Variants in IQCE observed in about 807,000 individuals in gnomAD.
The protein encoded by IQCE is IQ motif containing E, also known as IQ domain-containing protein E.
A neutral mutation model predicts 96.0 loss-of-function variants in IQCE; 115 were observed. That is an observed-to-expected ratio of 1.20 (90% CI 1.03 to 1.40). IQCE has a LOEUF of 1.40. IQCE is among the 40% of genes most tolerant of loss of function. The pLI, the probability that IQCE is intolerant of heterozygous loss-of-function variation, is 0.00. For missense variants in IQCE, 1,041 were observed against 909.1 expected, an observed-to-expected ratio of 1.15 and a Z score of -1.87; for synonymous variants, 412 against 371.2, an observed-to-expected ratio of 1.11 and a Z score of -1.26.
intron 6 of IQCE, 47 bp downstream of exon 6, chr7:2,573,535 C>A (rs764945990): frequency 9.6e-7 from 1 of 1,037,962 alleles, no homozygotes; most frequent in Non-Finnish European, 1.5e-6. Context: ...GTGAAAGCTT[C>A]CTATAACAAT....
chr7:2,602,283 A>G (rs1479775771), intron 18 of IQCE, among the ~76,000 whole-genome samples: 1 of 152,234 alleles, frequency 6.6e-6, no homozygotes, highest in African/African-American at 2.4e-5. Context: ...ATGGAGGTTG[A>G]GTATGTCACC....
chr7:2,561,250 T>C (rs1413134886), intron 1 of IQCE, among the ~76,000 whole-genome samples: 1 of 151,598 alleles, frequency 6.6e-6, no homozygotes, highest in Admixed American at 6.6e-5. Context: ...GAGCCATTGC[T>C]CCCAGCCCTA....
rs1477319630 is a variant in IQCE, at chr7:2,561,736, T to C, written c.36+2519T>C. Reference sequence around the variant, plus strand: ...ACGTCCGGCCTTACAATAATATTTTTATATGAATCTCATATCCTGCAAACT... The same window carrying C: ...ACGTCCGGCCTTACAATAATATTTTCATATGAATCTCATATCCTGCAAACT... On this transcript the variant is annotated intron_variant, in intron 1 of 21. Coordinates refer to ENST00000402050, the MANE Select transcript of IQCE (RefSeq NM_152558.5). 2.0e-5 allele frequency among the ~76,000 whole-genome samples: 3 copies of C among 152,352 alleles called. No homozygotes were observed. The East Asian group carries it at 5.8e-4, about 29-fold the overall frequency.
chr7:2,577,966 C>T (rs1456187368), intron 6 of IQCE, among the ~76,000 whole-genome samples: 3 of 125,024 alleles, frequency 2.4e-5, no homozygotes, highest in Admixed American at 8.0e-5. Flanking sequence ...CGTGGCTGTG[C>T]GCGCGGGGAC....
chr7:2,560,461 T>C (rs1780861995), intron 1 of IQCE, among the ~76,000 whole-genome samples: 2 of 152,266 alleles, frequency 1.3e-5, no homozygotes, highest in South Asian at 4.1e-4. Flanking sequence ...GCACCCGCAG[T>C]AGGGGCTTGG....
rs1783243654 is a variant in IQCE at position 2,587,852 on chromosome 7, T to A, written c.1019T>A (p.Leu340Gln). The A allele has an allele frequency of 1.2e-6, 2 of 1,614,070 alleles. No individual in the cohort carries two copies. The highest frequency in any genetic ancestry group is 2.2e-5 in the South Asian group (2 of 91,082). ...GYVEWSKPRL[L>Q]RRIVELEKKL... ...GTGGAGTGGAGCAAGCCCCGGCTGCTGAGGCGCATTGTGGAGCTGGAGAAG... is the reference window on the plus strand; with the variant it reads ...GTGGAGTGGAGCAAGCCCCGGCTGCAGAGGCGCATTGTGGAGCTGGAGAAG... The change falls in exon 13 of 22, where the codon CTG becomes CAG. Residue 340 changes from leucine to glutamine, a missense_variant. Physicochemically the swap from Leu to Gln is moderately radical, Grantham distance 113. Transcript: ENST00000402050.
chr7:2,587,484 A>G (rs1783214993), intron 12 of IQCE, among the ~76,000 whole-genome samples: 1 of 152,170 alleles, frequency 6.6e-6, no homozygotes, highest in Non-Finnish European at 1.5e-5. Flanking sequence ...GGAAGGGGAC[A>G]GGCTGAGAAC....
chr7:2,564,730 G>C (rs554449475), intron 1 of IQCE, among the ~76,000 whole-genome samples: 35 of 152,160 alleles, frequency 2.3e-4, no homozygotes, highest in Non-Finnish European at 3.1e-4. Flanking sequence ...CTATGGTCTG[G>C]TTTATGTTTA....
chr7:2,597,280 A>C, intron 16 of IQCE: 2 of 379,232 alleles, frequency 5.3e-6, no homozygotes, highest in Non-Finnish European at 1.1e-5. Flanking sequence ...TGTGGGGCCC[A>C]ATACAGGAGG....
chr7:2,579,907 A>G lies in IQCE; in HGVS notation c.630+1381A>G, dbSNP rs1227637805. Among the ~76,000 whole-genome samples the G allele has an allele frequency of 1.3e-5, 2 of 152,028 alleles. 1 individual carries two copies. Among genetic ancestry groups the G allele is most frequent in the Admixed American group, 1.3e-4 (2 of 15,258 alleles). ...CCCGGGACTACAGGCACGTGCCACC[A>G]CAGGCAGCTAATTTTTTTTTAGTTT... On this transcript the variant is annotated intron_variant, in intron 8 of 21. Coordinates refer to ENST00000402050, the MANE Select transcript of IQCE (RefSeq NM_152558.5).
intron 15 of IQCE, among the ~76,000 whole-genome samples, chr7:2,594,672 G>A (rs1466537975): frequency 5.9e-5 from 9 of 152,260 alleles, no homozygotes; most frequent in African/African-American, 1.7e-4. Flanking sequence ...CCCAGAGCAG[G>A]AGACAACAGG....
chr7:2,586,489 G>T, intron 12 of IQCE, 118 bp downstream of exon 12: 1 of 1,130,288 alleles, frequency 8.8e-7, no homozygotes, highest in Non-Finnish European at 1.2e-6. Flanking sequence ...GTGAACCCTT[G>T]GGCAACGCCA....
intron 6 of IQCE, among the ~76,000 whole-genome samples, chr7:2,577,480 AT>A (rs1337879222): frequency 1.2e-5 from 1 of 82,172 alleles, no homozygotes; most frequent in East Asian, 4.4e-4. Context: ...TGTGCGGCGT[AT>A]ACGCATTGGC....
At chr7:2,601,328 G>C (rs558462912) in intron 17 of IQCE, 113 bp from the exon 18 acceptor site, 1 of 739,612 alleles carries the variant, frequency 1.4e-6, no homozygotes, top group African/African-American at 1.8e-5. Flanking sequence ...AGCCAGGGCA[G>C]CCAGGCCTCT....
intron 15 of IQCE, 65 bp from the exon 16 acceptor site, chr7:2,594,821 C>G: frequency 8.5e-7 from 1 of 1,176,818 alleles, no homozygotes; most frequent in Non-Finnish European, 1.3e-6. Context: ...CCCCACCCTG[C>G]CCTGTGCCGG....
intron 18 of IQCE, among the ~76,000 whole-genome samples, chr7:2,603,243 C>T (rs913937571): frequency 3.9e-5 from 6 of 152,180 alleles, no homozygotes; most frequent in East Asian, 3.8e-4. Flanking sequence ...CCCCACAGCC[C>T]GCTGCGGTTC....
chr7:2,559,429 A>G, intron 1 of IQCE: 1 of 293,070 alleles, frequency 3.4e-6, no homozygotes, highest in Non-Finnish European at 6.3e-6. Flanking sequence ...GCTTTCGCAG[A>G]GGCCGCCGCT....
chr7:2,569,816 C>G (rs1781632538), intron 3 of IQCE, among the ~76,000 whole-genome samples: 1 of 152,178 alleles, frequency 6.6e-6, no homozygotes, highest in South Asian at 2.1e-4. Flanking sequence ...AACTTTGCTA[C>G]TAGCCCAAGG....
chr7:2,589,934 TCA>T lies in IQCE; in HGVS notation c.1076_1077del (p.His359ArgfsTer121), dbSNP rs779594274. 1 of 1,613,720 alleles carries T rather than the reference TCA, an allele frequency of 6.2e-7. No homozygotes were observed. The highest frequency in any genetic ancestry group is 8.5e-7 in the Non-Finnish European group (1 of 1,180,028). The part of the protein sequence containing the change: ...KKLSVMESSK[S>X]HAAEPVRSHP... ...ACTAAGTGTGATGGAGAGCTCAAAA[TCA>T]CACGCCGCAGAGCCAGTCAGATCAC... is the stretch of plus-strand genomic sequence containing the variant. On this transcript the variant is annotated frameshift_variant, in exon 14 of 22. Coordinates refer to ENST00000402050, the MANE Select transcript of IQCE (RefSeq NM_152558.5). LOFTEE classifies it high-confidence loss of function.
Sources: gnomAD v4.1 joint callset for allele counts (sites outside exome capture counted in the v4.1 genomes callset) on GRCh38, gnomAD v4.1.1 for gene constraint, MANE v1.5 for transcripts, NCBI Gene and HGNC (gene_info 2026-07-23, HGNC 2026-07-21) for gene names.